The following PRAG1 variants were observed in gnomAD, a reference collection of about 807,000 sequenced individuals.
The protein encoded by PRAG1 is PEAK1 related, kinase-activating pseudokinase 1, also known as inactive tyrosine-protein kinase PRAG1.
In PRAG1, 110 loss-of-function variants were observed where a neutral mutation model predicts 95.6. The ratio of observed to expected loss-of-function variants is 1.15; its 90% CI spans 0.99 to 1.35. PRAG1 has a LOEUF of 1.35. PRAG1 is among the 40% of genes most tolerant of loss of function. The pLI is 0.00. For missense variants in PRAG1, 2,554 were observed against 1,864.7 expected (o/e 1.37, Z -6.81); for synonymous variants, 1,052 against 819.4 (o/e 1.28, Z -4.85).
At chr8:8,349,427 C>A (rs555544356) in intron 3 of PRAG1, among the ~76,000 whole-genome samples, 2 of 152,122 alleles carry the variant, frequency 1.3e-5, no homozygotes, top group Non-Finnish European at 2.9e-5. Flanking sequence ...ACTACAGGCG[C>A]CCGCCACCTC....
chr8:8,332,884 C>G (rs1198354084), intron 4 of PRAG1, among the ~76,000 whole-genome samples: 2 of 150,562 alleles, frequency 1.3e-5, no homozygotes, highest in Non-Finnish European at 2.9e-5. Flanking sequence ...AACACAGCAT[C>G]TATGTTCTTA....
chr8:8,384,470 G>A (rs371781639), intron 1 of PRAG1, among the ~76,000 whole-genome samples: 90 of 152,108 alleles, frequency 5.9e-4, no homozygotes, highest in African/African-American at 2.1e-3. Flanking sequence ...ACGGATGGAC[G>A]CAAAGATTTT....
chr8:8,324,431 A>G (rs1390248130), intron 5 of PRAG1, among the ~76,000 whole-genome samples: 1 of 152,050 alleles, frequency 6.6e-6, no homozygotes, highest in Non-Finnish European at 1.5e-5. Context: ...AAGGCCAGCA[A>G]CGGAGAAGGC....
intron 3 of PRAG1, among the ~76,000 whole-genome samples, chr8:8,369,491 C>A (rs1337080784): frequency 6.6e-6 from 1 of 152,152 alleles, no homozygotes; most frequent in Admixed American, 6.5e-5. Flanking sequence ...ATTTCTTGAG[C>A]ACCTGTTATG....
intron 3 of PRAG1, among the ~76,000 whole-genome samples, chr8:8,361,328 A>T (rs542825719): frequency 6.6e-6 from 1 of 152,338 alleles, no homozygotes; most frequent in South Asian, 2.1e-4. Flanking sequence ...GATTCCTGGA[A>T]TTCCCAAGAA....
At chr8:8,325,849 G>T (rs1013045616) in intron 5 of PRAG1, among the ~76,000 whole-genome samples, 1 of 150,796 alleles carries the variant, frequency 6.6e-6, no homozygotes, top group African/African-American at 2.4e-5. Flanking sequence ...GGAGATGGAG[G>T]TTGCAGTCAG....
chr8:8,377,912 T>C lies in PRAG1; in HGVS notation c.497A>G (p.Asn166Ser). ...PPAYTMVGLH[N>S]LEPRGERNIA... ...GTTCCTCTCGCCGCGGGGCTCAAGGTTGTGCAGGCCGACCATGGTGTAAGC... is the reference window on the plus strand; with the variant it reads ...GTTCCTCTCGCCGCGGGGCTCAAGGCTGTGCAGGCCGACCATGGTGTAAGC... The change falls in exon 3 of 6, where the codon AAC (asparagine) becomes AGC (serine). Residue 166 changes from asparagine to serine, a missense_variant. Physicochemically the swap from Asn to Ser is conservative, Grantham distance 46 (BLOSUM62 1). Transcript: ENST00000615670. The C allele has an allele frequency of 6.2e-7, 1 of 1,614,076 alleles. No homozygotes were observed. Among genetic ancestry groups the C allele is most frequent in the Non-Finnish European group, 8.5e-7 (1 of 1,180,014 alleles).
At chr8:8,376,223 T>G (rs918550362) in intron 3 of PRAG1, 24 bp downstream of exon 3, 1 of 1,601,882 alleles carries the variant, frequency 6.2e-7, no homozygotes, top group African/African-American at 1.3e-5. Context: ...GCAGACAGAG[T>G]CCCAGGCAGA....
intron 3 of PRAG1, among the ~76,000 whole-genome samples, chr8:8,373,485 T>A (rs2116924534): frequency 7.1e-6 from 1 of 139,930 alleles, no homozygotes; most frequent in Non-Finnish European, 1.5e-5. Context: ...GGTCTTGCTC[T>A]GTTGCTCAGG....
Position 8,384,326 on chromosome 8 carries a change from G to A in PRAG1, c.-88+1995C>T, listed in dbSNP as rs73184355. The stretch of plus-strand genomic sequence containing the variant: ...AGCCCTGTGCAAAGGGAGTGTGGAA[G>A]GATCTGGATTGCTAGCGTGGGGGAA... On this transcript the variant is annotated intron_variant, in intron 1 of 5. Transcript: ENST00000615670. Among the ~76,000 whole-genome samples the A allele has an allele frequency of 3.8e-3, 571 of 152,186 alleles. 2 individuals are homozygous for A. The highest frequency in any genetic ancestry group is 6.8e-3 in the South Asian group (33 of 4,824).
intron 3 of PRAG1, among the ~76,000 whole-genome samples, chr8:8,352,743 C>G (rs1182972355): frequency 2.0e-5 from 3 of 152,162 alleles, no homozygotes; most frequent in Non-Finnish European, 4.4e-5. Flanking sequence ...GGTATACACA[C>G]TATATTTGGT....
chr8:8,378,722 G>A (rs531425937), intron 2 of PRAG1, among the ~76,000 whole-genome samples: 69 of 152,144 alleles, frequency 4.5e-4, no homozygotes, highest in African/African-American at 1.5e-3. Context: ...CTTGGTGGGC[G>A]TGGTGGTGTG....
chr8:8,346,648 G>A (rs531841855), intron 3 of PRAG1, among the ~76,000 whole-genome samples: 9 of 152,186 alleles, frequency 5.9e-5, no homozygotes, highest in Non-Finnish European at 1.3e-4. Context: ...AAATACCCCC[G>A]AAGCTTTCAG....
intron 4 of PRAG1, among the ~76,000 whole-genome samples, chr8:8,337,657 T>A (rs746418853): frequency 2.0e-5 from 3 of 152,188 alleles, no homozygotes; most frequent in South Asian, 4.1e-4. Flanking sequence ...GAGTCTAAGT[T>A]TTGAAATGCA....
At chr8:8,320,630 T>G (rs894717818) in intron 5 of PRAG1, among the ~76,000 whole-genome samples, 11 of 152,188 alleles carry the variant, frequency 7.2e-5, no homozygotes, top group Non-Finnish European at 1.6e-4. Context: ...CAATGTGTAA[T>G]GTAGAAAGAC....
intron 5 of PRAG1, among the ~76,000 whole-genome samples, chr8:8,325,280 T>G (rs991728648): frequency 6.6e-6 from 1 of 152,198 alleles, no homozygotes; most frequent in African/African-American, 2.4e-5. Flanking sequence ...ATATTGTTCC[T>G]GGTAACGTTG....
At chr8:8,351,321 C>T (rs747075420) in intron 3 of PRAG1, among the ~76,000 whole-genome samples, 1 of 152,104 alleles carries the variant, frequency 6.6e-6, no homozygotes. Context: ...GGGGGAAATT[C>T]GCTCCCATGG....
At chr8:8,375,093 T>A (rs946539058) in intron 3 of PRAG1, among the ~76,000 whole-genome samples, 53 of 151,780 alleles carry the variant, frequency 3.5e-4, no homozygotes, top group African/African-American at 9.0e-4. Context: ...AAAAAAAAAA[T>A]TTATTTTTCT....
chr8:8,350,756 ATC>A (rs1799494228), intron 3 of PRAG1, among the ~76,000 whole-genome samples: 1 of 152,180 alleles, frequency 6.6e-6, no homozygotes, highest in Non-Finnish European at 1.5e-5. Flanking sequence ...AAGGCCCTTA[ATC>A]TCTCTCTGTT....
Sources: allele counts gnomAD v4.1 joint callset (sites outside exome capture counted in the v4.1 genomes callset), GRCh38; gene constraint gnomAD v4.1.1; transcripts MANE v1.5; gene names NCBI Gene and HGNC (gene_info 2026-07-23, HGNC 2026-07-21).